Variants in SLC7A1 observed in about 807,000 individuals in gnomAD.
SLC7A1 encodes solute carrier family 7 member 1.
Under a neutral mutation model 53.9 loss-of-function variants are expected in SLC7A1, and 10 were observed. The ratio of observed to expected loss-of-function variants is 0.19; its 90% CI spans 0.11 to 0.31. The LOEUF (loss-of-function observed/expected upper bound fraction) is 0.31. Among genes scored for constraint, SLC7A1 ranks in the 10% least tolerant of loss-of-function variants. The pLI, the probability that SLC7A1 is intolerant of heterozygous loss-of-function variation, is 1.00. For missense variants in SLC7A1, 525 were observed against 827.2 expected (o/e 0.63, Z 4.48); for synonymous variants, 342 against 338.7 (o/e 1.01, Z -0.11).
At chr13:29,578,865 C>G (rs1316683493) in intron 1 of SLC7A1, among the ~76,000 whole-genome samples, 1 of 152,380 alleles carries the variant, frequency 6.6e-6, no homozygotes, top group East Asian at 1.9e-4. Context: ...CAGCCCTGCC[C>G]TTCTCTCCGC....
At position 29,561,013 on chromosome 13, in the gene SLC7A1, G is replaced by A. The variant is rs906225577; in HGVS notation, c.-114-7153C>T. Among the ~76,000 whole-genome samples, 77 of 152,002 alleles carry A rather than the reference G, an allele frequency of 5.1e-4. 2 individuals carry two copies. The highest frequency in any genetic ancestry group is 2.6e-4 in the Admixed American group (4 of 15,266). On this transcript the variant is annotated intron_variant, in intron 1 of 12. Transcript: ENST00000380752. ...CCAACTTTTTGGCAACTTACAAAGC[G>A]GTTTCGCCTGTTCTTATCCTATTCT...
chr13:29,581,895 C>T (rs908860172), intron 1 of SLC7A1, among the ~76,000 whole-genome samples: 2 of 152,216 alleles, frequency 1.3e-5, no homozygotes, highest in South Asian at 2.1e-4. Context: ...CCTTTAGCGG[C>T]AAAATACCAA....
Position 29,511,050 on chromosome 13 carries a change from CAG to C in SLC7A1, c.*3428_*3429del, listed in dbSNP as rs1883375480. ...CCAGTTCACAATGCCTGCTCCGTGG[CAG>C]GGGCACGGCAGGGAGGAGCTGGTAT... On this transcript the variant is annotated 3_prime_UTR_variant, in exon 13 of 13. Transcript: ENST00000380752. 1 of 152,366 alleles carries C rather than the reference CAG, an allele frequency of 6.6e-6. No individual in the cohort carries two copies. Among genetic ancestry groups the C allele is most frequent in the South Asian group, 2.1e-4 (1 of 4,838 alleles). 9.4% of individuals were successfully genotyped at this position (152,366 alleles called of 1,614,324 possible).
At chr13:29,552,218 T>C (rs966162347) in intron 2 of SLC7A1, among the ~76,000 whole-genome samples, 2 of 119,404 alleles carry the variant, frequency 1.7e-5, no homozygotes, top group African/African-American at 3.2e-5. Flanking sequence ...CAGGTGAGGG[T>C]CATTACACAC....
At chr13:29,528,354 G>C (rs1868994926) in intron 5 of SLC7A1, among the ~76,000 whole-genome samples, 1 of 152,202 alleles carries the variant, frequency 6.6e-6, no homozygotes, top group Admixed American at 6.5e-5. Context: ...CTGAGTCAAA[G>C]GCACGAAGAG....
intron 11 of SLC7A1, chr13:29,516,731 A>G (rs758540100): frequency 1.5e-4 from 26 of 175,854 alleles, no homozygotes; most frequent in Non-Finnish European, 2.7e-4. Context: ...GCTATTATGT[A>G]TAAACTTAGG....
rs74332609 is a variant in SLC7A1, at chr13:29,564,561, C to T, written c.-114-10701G>A. Among the ~76,000 whole-genome samples, 421 of 152,280 alleles carry T rather than the reference C, an allele frequency of 2.8e-3. 1 individual carries two copies. Among genetic ancestry groups the T allele is most frequent in the African/African-American group, 9.7e-3 (402 of 41,552 alleles). ...CTCTATGCCAGACTTATAATAGCTC[C>T]CCTAGGGCAAGAGCCATAATGAAAT... On this transcript the variant is annotated intron_variant, in intron 1 of 12. Transcript: ENST00000380752.
At chr13:29,553,927 G>A (rs1016804591) in intron 1 of SLC7A1, 67 bp from the exon 2 acceptor site, 5 of 149,244 alleles carry the variant, frequency 3.4e-5, no homozygotes, top group African/African-American at 1.3e-4. Flanking sequence ...GTCTGTGGCT[G>A]GTACAGTGAA....
chr13:29,557,469 C>T (rs908785208), intron 1 of SLC7A1, among the ~76,000 whole-genome samples: 12 of 152,104 alleles, frequency 7.9e-5, no homozygotes, highest in Admixed American at 7.9e-4. Context: ...TCCTAGCCTA[C>T]AAACCTGTAC....
intron 2 of SLC7A1, among the ~76,000 whole-genome samples, chr13:29,551,011 G>A (rs1407600587): frequency 6.6e-6 from 1 of 152,218 alleles, no homozygotes; most frequent in Non-Finnish European, 1.5e-5. Flanking sequence ...TCTTAATGGA[G>A]TCTGAATGAT....
intron 1 of SLC7A1, among the ~76,000 whole-genome samples, chr13:29,582,313 C>T (rs1041043106): frequency 6.6e-6 from 1 of 152,206 alleles, no homozygotes; most frequent in African/African-American, 2.4e-5. Flanking sequence ...CCTCTGCTGC[C>T]AAATTCACAC....
At position 29,536,009 on chromosome 13, in the gene SLC7A1, C is replaced by T. The variant is rs748337908; in HGVS notation, c.180G>A (p.Glu60=). The change falls in exon 3 of 13, where the codon GAG becomes GAA. Residue 60 remains glutamate, a synonymous_variant. Transcript: ENST00000380752. The stretch of plus-strand genomic sequence containing the variant: ...AGATGACAATGGCAGGGCCTGCATT[C>T]TCACGGGCCACAGCTCCAGCCAGGA... The part of the protein sequence containing the change: ...VYVLAGAVAR[E]NAGPAIVISF... The T allele has an allele frequency of 6.2e-6, 10 of 1,613,934 alleles. No individual in the cohort carries two copies. In the East Asian group the frequency reaches 2.2e-4, roughly 36 times the overall value.
intron 1 of SLC7A1, among the ~76,000 whole-genome samples, chr13:29,584,037 A>G (rs958621547): frequency 6.6e-6 from 1 of 152,244 alleles, no homozygotes; most frequent in African/African-American, 2.4e-5. Context: ...ACGTTAACAT[A>G]TATAACAGCA....
At chr13:29,574,713 C>T (rs1049240785) in intron 1 of SLC7A1, among the ~76,000 whole-genome samples, 31 of 144,308 alleles carry the variant, frequency 2.1e-4, no homozygotes, top group African/African-American at 7.0e-4. Context: ...GGTGCGATCT[C>T]GGCTCACTGC....
intron 2 of SLC7A1, among the ~76,000 whole-genome samples, chr13:29,538,379 C>T (rs1458346256): frequency 6.6e-6 from 1 of 152,086 alleles, no homozygotes; most frequent in African/African-American, 2.4e-5. Flanking sequence ...GGAAAAGGGC[C>T]CCTGAGGCCA....
intron 2 of SLC7A1, among the ~76,000 whole-genome samples, chr13:29,536,959 T>C (rs1042133324): frequency 6.6e-6 from 1 of 152,228 alleles, no homozygotes; most frequent in African/African-American, 2.4e-5. Context: ...CACCCTCACA[T>C]GGGACATGCC....
In SLC7A1 at chr13:29,555,271, T is replaced by C. The variant is rs1458940917; in HGVS notation, c.-114-1411A>G. On this transcript the variant is annotated intron_variant, in intron 1 of 12. Transcript: ENST00000380752. ...TACTTGGGAGGCTGAGGCAGGAGAA[T>C]GGCGTGAACCCGGGAGGAGGAGCTT... 4.6e-5 allele frequency among the ~76,000 whole-genome samples: 6 copies of C among 130,414 alleles called. No individual in the cohort carries two copies. The Admixed American group carries it at 5.2e-4, about 11-fold the overall frequency. The allele number at this position is 130,414 out of a possible 152,430, so 85.6% of individuals were successfully genotyped here.
chr13:29,521,601 C>T (rs1868633405), intron 8 of SLC7A1, among the ~76,000 whole-genome samples: 2 of 152,140 alleles, frequency 1.3e-5, no homozygotes, highest in African/African-American at 4.8e-5. Flanking sequence ...GTCTGCCTCT[C>T]GGGGCTATGA....
intron 2 of SLC7A1, among the ~76,000 whole-genome samples, chr13:29,545,319 C>A (rs1869866739): frequency 1.3e-5 from 2 of 152,178 alleles, no homozygotes; most frequent in African/African-American, 4.8e-5. Flanking sequence ...CTGCCCACCC[C>A]CTTCACCCCA....
Sources: allele counts gnomAD v4.1 joint callset (sites outside exome capture counted in the v4.1 genomes callset), GRCh38; gene constraint gnomAD v4.1.1; transcripts MANE v1.5; gene names NCBI Gene and HGNC (gene_info 2026-07-23, HGNC 2026-07-21).